GABBR2: variants seen among roughly 807,000 people sequenced by gnomAD.
GABBR2 encodes the protein G-protein coupled receptor 51.
Under a neutral mutation model 105.6 loss-of-function variants are expected in GABBR2, and 23 were observed. The ratio of observed to expected loss-of-function variants is 0.22; its 90% CI spans 0.16 to 0.31. GABBR2 has a LOEUF of 0.31. Among genes scored for constraint, GABBR2 ranks in the 10% least tolerant of loss-of-function variants. GABBR2 has a pLI of 1.00. For missense variants in GABBR2, 734 were observed against 1,245.5 expected, an observed-to-expected ratio of 0.59 and a Z score of 6.18; for synonymous variants, 478 against 499.7, an observed-to-expected ratio of 0.96 and a Z score of 0.58.
intron 6 of GABBR2, among the ~76,000 whole-genome samples, chr9:98,464,451 C>G (rs2808548): frequency 1.4e-5 from 2 of 139,950 alleles, no homozygotes; most frequent in Non-Finnish European, 3.1e-5. Context: ...CAAATGGGAA[C>G]TGAGGAGCGC....
intron 1 of GABBR2, among the ~76,000 whole-genome samples, chr9:98,599,617 C>T (rs879931996): frequency 7.9e-5 from 12 of 152,372 alleles, no homozygotes; most frequent in South Asian, 2.1e-4. Flanking sequence ...CTCTGTCCTA[C>T]GGAGCATGTG....
chr9:98,501,132 C>T (rs1048635897), intron 3 of GABBR2, among the ~76,000 whole-genome samples: 2 of 145,310 alleles, frequency 1.4e-5, no homozygotes, highest in Admixed American at 7.0e-5. Context: ...ACTGCCCCCC[C>T]CCCTTCCCCG....
chr9:98,502,698 G>T (rs1400126112), intron 3 of GABBR2, among the ~76,000 whole-genome samples: 1 of 152,198 alleles, frequency 6.6e-6, no homozygotes, highest in Non-Finnish European at 1.5e-5. Flanking sequence ...CTGAGGTCAG[G>T]AGCCCTGGGG....
At chr9:98,457,906 C>T (rs576022834) in intron 6 of GABBR2, among the ~76,000 whole-genome samples, 29 of 152,224 alleles carry the variant, frequency 1.9e-4, no homozygotes, top group Non-Finnish European at 2.9e-4. Context: ...AAGCTGACAC[C>T]GAATGCTGAT....
At chr9:98,691,301 G>A (rs1248041734) in intron 1 of GABBR2, among the ~76,000 whole-genome samples, 1 of 152,108 alleles carries the variant, frequency 6.6e-6, no homozygotes, top group Non-Finnish European at 1.5e-5. Flanking sequence ...CTGCAAGGCA[G>A]GTAAACTCAT....
chr9:98,361,259 C>T (rs905312635), intron 13 of GABBR2, among the ~76,000 whole-genome samples: 17 of 152,132 alleles, frequency 1.1e-4, no homozygotes, highest in Non-Finnish European at 2.2e-4. Flanking sequence ...TACACAGCCT[C>T]TCTAGGTTTC....
At position 98,430,515 on chromosome 9, in the gene GABBR2, T is replaced by C. The variant is rs554535411; in HGVS notation, c.1236+23466A>G. Among the ~76,000 whole-genome samples the C allele has an allele frequency of 3.9e-4, 60 of 152,264 alleles. No homozygotes were observed. The South Asian group carries it at 0.012, about 30-fold the overall frequency. Reference sequence around the variant, plus strand: ...TTAAACTTTTTCCCACCCAACGTGGTGGGAACATGAACTATTCCCAGGCCT... The same window carrying C: ...TTAAACTTTTTCCCACCCAACGTGGCGGGAACATGAACTATTCCCAGGCCT... On this transcript the variant is annotated intron_variant, in intron 7 of 18. Coordinates refer to ENST00000259455, the MANE Select transcript of GABBR2 (RefSeq NM_005458.8).
At chr9:98,507,635 C>T (rs1000734459) in intron 3 of GABBR2, among the ~76,000 whole-genome samples, 1 of 152,208 alleles carries the variant, frequency 6.6e-6, no homozygotes. Flanking sequence ...ATACAATAAG[C>T]TTTCACCCTG....
At chr9:98,395,023 C>T (rs1832261881) in intron 8 of GABBR2, among the ~76,000 whole-genome samples, 1 of 152,172 alleles carries the variant, frequency 6.6e-6, no homozygotes, top group Admixed American at 6.5e-5. Context: ...CCAAGTGGTG[C>T]ATTCAAATTT....
intron 1 of GABBR2, among the ~76,000 whole-genome samples, chr9:98,662,738 C>G (rs1468930293): frequency 6.6e-6 from 1 of 152,150 alleles, no homozygotes; most frequent in Non-Finnish European, 1.5e-5. Context: ...CCCACTCCTC[C>G]CTAACACAGG....
chr9:98,678,064 G>A (rs959663767), intron 1 of GABBR2, among the ~76,000 whole-genome samples: 4 of 151,988 alleles, frequency 2.6e-5, no homozygotes, highest in Non-Finnish European at 5.9e-5. Context: ...CTCTCGTTTT[G>A]TTCATTGATG....
chr9:98,508,261 T>A (rs573046176), intron 3 of GABBR2, among the ~76,000 whole-genome samples: 1 of 152,260 alleles, frequency 6.6e-6, no homozygotes. Flanking sequence ...CAAGCCCACT[T>A]CAAAACCATT....
intron 17 of GABBR2, among the ~76,000 whole-genome samples, chr9:98,296,103 G>GA (rs1307029893): frequency 1.3e-5 from 2 of 152,230 alleles, no homozygotes; most frequent in Non-Finnish European, 2.9e-5. Context: ...TGACCAATGT[G>GA]ATAGTGTAAG....
At chr9:98,537,747 A>AAT (rs1446592072) in intron 3 of GABBR2, among the ~76,000 whole-genome samples, 1 of 152,204 alleles carries the variant, frequency 6.6e-6, no homozygotes, top group African/African-American at 2.4e-5. Context: ...AACATAAAAA[A>AAT]TTTATAAAAA....
At position 98,708,888 on chromosome 9, in the gene GABBR2, G is replaced by A; in HGVS notation, c.-151C>T. 1 of 294,258 alleles carries A rather than the reference G, an allele frequency of 3.4e-6. No homozygotes were observed. The highest frequency in any genetic ancestry group is 4.6e-6 in the Non-Finnish European group (1 of 216,204). The allele number at this position is 294,258 out of a possible 1,614,324, so 18.2% of individuals were successfully genotyped here. ...CGGGCTAGGGTTCCGGCTCGGCTCA[G>A]AACGGCCGCGGCGGCGGCGGCGGCA... On this transcript the variant is annotated 5_prime_UTR_variant, in exon 1 of 19. Transcript: ENST00000259455.
At chr9:98,405,622 C>T (rs139146030) in intron 8 of GABBR2, among the ~76,000 whole-genome samples, 18 of 152,288 alleles carry the variant, frequency 1.2e-4, no homozygotes, top group Admixed American at 3.9e-4. Context: ...AATCCCCCAA[C>T]GACCAAGTCC....
intron 13 of GABBR2, among the ~76,000 whole-genome samples, chr9:98,343,026 A>G (rs1390684500): frequency 6.6e-6 from 1 of 152,212 alleles, no homozygotes; most frequent in Non-Finnish European, 1.5e-5. Context: ...GCCTCTTCCA[A>G]TATCTGTTTC....
chr9:98,471,093 A>G (rs1439327661), intron 6 of GABBR2, among the ~76,000 whole-genome samples: 2 of 152,102 alleles, frequency 1.3e-5, no homozygotes, highest in African/African-American at 4.8e-5. Context: ...GGGAAGCTGG[A>G]CTCCATAATG....
intron 7 of GABBR2, among the ~76,000 whole-genome samples, chr9:98,453,134 C>T (rs1826261729): frequency 6.6e-6 from 1 of 152,214 alleles, no homozygotes; most frequent in African/African-American, 2.4e-5. Context: ...TCAAGCGATT[C>T]TCCTGCCTCA....
Sources: allele counts gnomAD v4.1 joint callset (sites outside exome capture counted in the v4.1 genomes callset), GRCh38; gene constraint gnomAD v4.1.1; transcripts MANE v1.5; gene names NCBI Gene and HGNC (gene_info 2026-07-23, HGNC 2026-07-21).